Variants in CTNNA2 observed in about 807,000 individuals in gnomAD.
CTNNA2 encodes catenin alpha-2.
CTNNA2 carries 42 observed loss-of-function variants against 101.0 expected under a neutral mutation model. The ratio of observed to expected loss-of-function variants is 0.42; its 90% CI spans 0.32 to 0.54. The LOEUF (loss-of-function observed/expected upper bound fraction) is 0.54, where lower values mean the gene tolerates loss of function less well. CTNNA2 is among the 20% of genes least tolerant of loss of function. The probability of loss-of-function intolerance (pLI) is 0.14; values close to 1 mark genes in which losing one functional copy is unlikely to be tolerated. For missense variants in CTNNA2, 871 were observed against 1,223.1 expected, an observed-to-expected ratio of 0.71 and a Z score of 4.29; for synonymous variants, 450 against 456.4, an observed-to-expected ratio of 0.99 and a Z score of 0.18.
At chr2:79,997,187 A>G (rs551195020) in intron 7 of CTNNA2, among the ~76,000 whole-genome samples, 49 of 152,198 alleles carry the variant, frequency 3.2e-4, no homozygotes, top group African/African-American at 1.1e-3. Flanking sequence ...ACTGCCTCCT[A>G]AACAGAAAGC....
chr2:79,890,339 C>A (rs1399406696), intron 6 of CTNNA2, among the ~76,000 whole-genome samples: 2 of 152,176 alleles, frequency 1.3e-5, no homozygotes, highest in Admixed American at 1.3e-4. Context: ...ATCATGCAAT[C>A]TAAGAATGTG....
rs577875438 is a variant in CTNNA2, at chr2:79,248,524, C to T, written c.-406+50448C>T. ...CCACATTTCCAGTGCTGGATGGTCA[C>T]ATGTATCCAGGGGCTACCATATTGA... On this transcript the variant is annotated intron_variant, in intron 2 of 21. Coordinates refer to the CTNNA2 transcript ENST00000466387. 7.9e-5 allele frequency among the ~76,000 whole-genome samples: 12 copies of T among 152,230 alleles called. No individual in the cohort carries two copies. The East Asian group carries it at 2.3e-3, about 29-fold the overall frequency.
At chr2:79,512,198 G>A (rs113809498), upstream of CTNNA2, among the ~76,000 whole-genome samples, 4 of 152,260 alleles carry the variant, frequency 2.6e-5, no homozygotes, top group African/African-American at 9.6e-5. Flanking sequence ...CCCAACTACA[G>A]TATAACCTCT....
At chr2:80,278,009 G>T (rs1674061795) in intron 7 of CTNNA2, among the ~76,000 whole-genome samples, 1 of 152,062 alleles carries the variant, frequency 6.6e-6, no homozygotes, top group Non-Finnish European at 1.5e-5. Context: ...TTCTGGATTG[G>T]GTAGTGGTTA....
At chr2:80,216,106 T>C (rs1708252034) in intron 7 of CTNNA2, among the ~76,000 whole-genome samples, 1 of 152,226 alleles carries the variant, frequency 6.6e-6, no homozygotes, top group Admixed American at 6.5e-5. Flanking sequence ...CTAAGACTGT[T>C]GGAAAAGCGC....
chr2:80,399,807 A>G (rs1244627457), intron 8 of CTNNA2, among the ~76,000 whole-genome samples: 1 of 152,212 alleles, frequency 6.6e-6, no homozygotes, highest in East Asian at 1.9e-4. Context: ...AGGATTATGA[A>G]ACAAAAATGC....
intron 3 of CTNNA2, among the ~76,000 whole-genome samples, chr2:79,838,314 T>G (rs959159184): frequency 6.6e-6 from 1 of 152,030 alleles, no homozygotes; most frequent in African/African-American, 2.4e-5. Context: ...GCAGTTTAGA[T>G]CAGAGGAAAG....
chr2:79,339,309 C>T (rs1395872281), intron 3 of CTNNA2, among the ~76,000 whole-genome samples: 1 of 151,960 alleles, frequency 6.6e-6, no homozygotes, highest in Non-Finnish European at 1.5e-5. Context: ...TTGAGTGCTG[C>T]CAAGAGATTA....
At chr2:79,940,024 A>G (rs1404760506) in intron 7 of CTNNA2, among the ~76,000 whole-genome samples, 2 of 152,122 alleles carry the variant, frequency 1.3e-5, no homozygotes, top group Non-Finnish European at 2.9e-5. Flanking sequence ...CCTGGGAGGC[A>G]GAGGTTGTGG....
chr2:79,605,457 G>A (rs1299204932), intron 1 of CTNNA2, among the ~76,000 whole-genome samples: 2 of 151,552 alleles, frequency 1.3e-5, no homozygotes, highest in Non-Finnish European at 3.0e-5. Context: ...AACAAACTGA[G>A]CATAAGAAAC....
At chr2:80,603,828 G>A (rs549865048) in intron 15 of CTNNA2, 1 of 446,454 alleles carries the variant, frequency 2.2e-6, no homozygotes, top group South Asian at 3.3e-5. Context: ...ACTGGCCATT[G>A]TTTAGAAATA....
chr2:80,635,079 T>G (rs1672734013), intron 18 of CTNNA2, among the ~76,000 whole-genome samples: 1 of 152,092 alleles, frequency 6.6e-6, no homozygotes, highest in South Asian at 2.1e-4. Context: ...TGAAGTATAA[T>G]TTAGATGGAA....
At chr2:80,339,475 T>G (rs1672036406) in intron 7 of CTNNA2, among the ~76,000 whole-genome samples, 1 of 152,182 alleles carries the variant, frequency 6.6e-6, no homozygotes, top group Non-Finnish European at 1.5e-5. Flanking sequence ...ATAACCCAAC[T>G]CTCCAAATAC....
chr2:79,525,284 T>G (rs1027919601), intron 1 of CTNNA2, among the ~76,000 whole-genome samples: 9 of 151,944 alleles, frequency 5.9e-5, no homozygotes, highest in Admixed American at 3.3e-4. Context: ...TATTCAAACC[T>G]GAGAGGAAGC....
chr2:79,920,704 G>A (rs1686593715), intron 7 of CTNNA2, among the ~76,000 whole-genome samples: 1 of 152,182 alleles, frequency 6.6e-6, no homozygotes, highest in African/African-American at 2.4e-5. Context: ...GACTCACTAT[G>A]CAGTGCCCAG....
At chr2:79,490,270 G>A (rs905706694) in intron 4 of CTNNA2, among the ~76,000 whole-genome samples, 1 of 152,132 alleles carries the variant, frequency 6.6e-6, no homozygotes, top group Non-Finnish European at 1.5e-5. Context: ...CTTTGGCCCT[G>A]TGCCTTCAAA....
intron 2 of CTNNA2, among the ~76,000 whole-genome samples, chr2:79,709,072 A>G (rs1163532802): frequency 6.6e-6 from 1 of 152,198 alleles, no homozygotes; most frequent in African/African-American, 2.4e-5. Flanking sequence ...AAAGTAAGAT[A>G]AATGTATATC....
intron 9 of CTNNA2, among the ~76,000 whole-genome samples, chr2:80,532,050 G>T (rs561918449): frequency 6.6e-6 from 1 of 152,270 alleles, no homozygotes; most frequent in South Asian, 2.1e-4. Flanking sequence ...GTTCCAATAT[G>T]ACTTTATTTA....
chr2:79,371,321 C>T (rs934765059), intron 3 of CTNNA2, among the ~76,000 whole-genome samples: 6 of 151,886 alleles, frequency 4.0e-5, no homozygotes, highest in East Asian at 3.9e-4. Flanking sequence ...CAGATGGAGA[C>T]GAGCAGGCAA....
Sources: gnomAD v4.1 joint callset for allele counts (sites outside exome capture counted in the v4.1 genomes callset) on GRCh38, gnomAD v4.1.1 for gene constraint, MANE v1.5 for transcripts, NCBI Gene and HGNC (gene_info 2026-07-23, HGNC 2026-07-21) for gene names.